The following CCDC60 variants were observed in gnomAD, a reference collection of about 807,000 sequenced individuals.
CCDC60 encodes the protein coiled-coil domain-containing protein 60.
Under a neutral mutation model 63.5 loss-of-function variants are expected in CCDC60, and 54 were observed. The observed-to-expected ratio is 0.85, with a 90% CI of 0.68 to 1.07. The LOEUF (loss-of-function observed/expected upper bound fraction) is 1.07, where lower values mean the gene tolerates loss of function less well. CCDC60 is among the 50% of genes least tolerant of loss of function. The pLI is 0.00. For synonymous variants in CCDC60, 206 were observed against 238.8 expected (o/e 0.86, Z 1.27); for missense variants, 651 against 684.3 (o/e 0.95, Z 0.54).
chr12:119,334,989 C>A lies in CCDC60; in HGVS notation c.-188C>A. The A allele has an allele frequency of 2.0e-6, 1 of 508,862 alleles. No homozygotes were observed. The highest frequency in any genetic ancestry group is 3.5e-6 in the Non-Finnish European group (1 of 287,906). The allele number at this position is 508,862 out of a possible 1,614,324, so 31.5% of individuals were successfully genotyped here. ...CTGCCCTACCCGGACTTCCTTATCCCGTCTGTGGGAGACCCAGGTGCTTTC... is the reference window on the plus strand; with the variant it reads ...CTGCCCTACCCGGACTTCCTTATCCAGTCTGTGGGAGACCCAGGTGCTTTC... On this transcript the variant is annotated 5_prime_UTR_variant, in exon 1 of 14. Coordinates refer to ENST00000327554, the MANE Select transcript of CCDC60 (RefSeq NM_178499.5).
At chr12:119,349,723 A>T (rs776926544) in intron 1 of CCDC60, among the ~76,000 whole-genome samples, 14 of 151,748 alleles carry the variant, frequency 9.2e-5, no homozygotes, top group Non-Finnish European at 1.5e-4. Flanking sequence ...CTCTCAATCC[A>T]CTCCATCCCC....
chr12:119,477,201 C>T (rs1451099876), intron 3 of CCDC60, among the ~76,000 whole-genome samples: 1 of 152,200 alleles, frequency 6.6e-6, no homozygotes, highest in East Asian at 1.9e-4. Flanking sequence ...TCCCAGGACA[C>T]AGGAAGGAGA....
chr12:119,531,220 C>T (rs967009170), intron 13 of CCDC60, among the ~76,000 whole-genome samples, 157 bp downstream of exon 13: 1 of 152,132 alleles, frequency 6.6e-6, no homozygotes, highest in Admixed American at 6.6e-5. Context: ...TACCTGGTTG[C>T]CCAACTCCAA....
chr12:119,347,682 C>T (rs538582707), intron 1 of CCDC60, among the ~76,000 whole-genome samples: 1 of 152,252 alleles, frequency 6.6e-6, no homozygotes, highest in Admixed American at 6.5e-5. Flanking sequence ...TACTATATTC[C>T]CAGTACATGC....
At chr12:119,516,521 A>C (rs576860698) in intron 7 of CCDC60, 102 bp from the exon 8 acceptor site, 1,009 of 714,352 alleles carry the variant, frequency 1.4e-3, no homozygotes, top group Non-Finnish European at 1.9e-3. Flanking sequence ...TCCAACCCTC[A>C]GGAGCAGAGG....
chr12:119,441,862 T>G (rs531906526), intron 2 of CCDC60, among the ~76,000 whole-genome samples: 18 of 152,046 alleles, frequency 1.2e-4, no homozygotes, highest in Middle Eastern at 3.4e-3. Context: ...CTCTTATACT[T>G]TTTTTTTGCT....
chr12:119,523,955 C>T, intron 11 of CCDC60, 137 bp downstream of exon 11: 1 of 848,960 alleles, frequency 1.2e-6, no homozygotes, highest in South Asian at 1.8e-5. Flanking sequence ...TCACAGTCTT[C>T]TGGAAAATAT....
At chr12:119,508,865 C>T (rs145281470) in intron 7 of CCDC60, among the ~76,000 whole-genome samples, 21 of 151,916 alleles carry the variant, frequency 1.4e-4, no homozygotes, top group Middle Eastern at 3.4e-3. Context: ...AAGCTTTGCT[C>T]TTAAATAAGA....
At chr12:119,360,935 A>G (rs1955782151) in intron 1 of CCDC60, among the ~76,000 whole-genome samples, 1 of 152,138 alleles carries the variant, frequency 6.6e-6, no homozygotes, top group Non-Finnish European at 1.5e-5. Context: ...GGAGCTGGAG[A>G]CCAGCCCGGC....
At chr12:119,351,204 C>A (rs1424301415) in intron 1 of CCDC60, among the ~76,000 whole-genome samples, 3 of 152,178 alleles carry the variant, frequency 2.0e-5, no homozygotes, top group African/African-American at 7.2e-5. Flanking sequence ...TTCGTAAGTG[C>A]CTCTCTCCCT....
chr12:119,373,928 T>G (rs1955925435), intron 1 of CCDC60, among the ~76,000 whole-genome samples: 1 of 152,236 alleles, frequency 6.6e-6, no homozygotes, highest in African/African-American at 2.4e-5. Flanking sequence ...GCCAATTCCT[T>G]TCTCACTCTC....
chr12:119,494,504 C>A (rs1951672364), intron 5 of CCDC60, among the ~76,000 whole-genome samples: 1 of 152,112 alleles, frequency 6.6e-6, no homozygotes, highest in African/African-American at 2.4e-5. Context: ...GTGGGGAGAC[C>A]AAGTGGGTGT....
At chr12:119,530,400 A>G (rs1247939360) in intron 12 of CCDC60, among the ~76,000 whole-genome samples, 1 of 152,090 alleles carries the variant, frequency 6.6e-6, no homozygotes, top group African/African-American at 2.4e-5. Flanking sequence ...TCACATTCAC[A>G]TAACACTGAA....
intron 1 of CCDC60, among the ~76,000 whole-genome samples, chr12:119,398,184 C>T (rs12367014): frequency 0.081 from 11,166 of 137,494 alleles, 550 homozygotes; most frequent in Middle Eastern, 0.16. Context: ...GAGCCCTGCC[C>T]TGTGGGGAGG....
At chr12:119,511,044 A>G (rs1952203919) in intron 7 of CCDC60, among the ~76,000 whole-genome samples, 1 of 152,214 alleles carries the variant, frequency 6.6e-6, no homozygotes, top group Non-Finnish European at 1.5e-5. Flanking sequence ...CAACAGTAAC[A>G]TCTTATTTAC....
chr12:119,356,833 A>G (rs1047292446), intron 1 of CCDC60, among the ~76,000 whole-genome samples: 3 of 152,222 alleles, frequency 2.0e-5, no homozygotes, highest in African/African-American at 7.2e-5. Flanking sequence ...TGTGTTCTGA[A>G]GTTCTTTTCC....
intron 1 of CCDC60, among the ~76,000 whole-genome samples, chr12:119,384,065 G>A (rs1043989497): frequency 1.3e-5 from 2 of 152,028 alleles, no homozygotes; most frequent in South Asian, 2.1e-4. Flanking sequence ...GCGTGGTGGC[G>A]GGCGCCTATA....
rs1043259201 is a variant in CCDC60 at position 119,379,003 on chromosome 12, C to T, written c.90+43737C>T. Among the ~76,000 whole-genome samples the T allele has an allele frequency of 6.6e-5, 10 of 152,202 alleles. No individual in the cohort carries two copies. In the East Asian group the frequency reaches 1.3e-3, roughly 21 times the overall value. On this transcript the variant is annotated intron_variant, in intron 1 of 13. Transcript: ENST00000327554. Reference sequence around the variant, plus strand: ...GGGACAAGAGGGCAAGGTCATCAGACGACAGCTTTATTCAGTAGTTCTCCA... The same window carrying T: ...GGGACAAGAGGGCAAGGTCATCAGATGACAGCTTTATTCAGTAGTTCTCCA...
At chr12:119,459,650 C>G (rs1306195671) in intron 2 of CCDC60, among the ~76,000 whole-genome samples, 1 of 152,162 alleles carries the variant, frequency 6.6e-6, no homozygotes, top group East Asian at 1.9e-4. Flanking sequence ...AGGTATTTTA[C>G]AGACCCTGCA....
Sources: gnomAD v4.1 joint callset for allele counts (sites outside exome capture counted in the v4.1 genomes callset) on GRCh38, gnomAD v4.1.1 for gene constraint, MANE v1.5 for transcripts, NCBI Gene and HGNC (gene_info 2026-07-23, HGNC 2026-07-21) for gene names.